Variants in KCNH8 observed in about 807,000 individuals in gnomAD.
KCNH8 encodes potassium voltage-gated channel subfamily H member 8.
KCNH8 carries 70 observed loss-of-function variants against 103.6 expected under a neutral mutation model. That is an observed-to-expected ratio of 0.68 (90% CI 0.56 to 0.82). The LOEUF (loss-of-function observed/expected upper bound fraction) is 0.82. KCNH8 is among the 40% of genes least tolerant of loss of function. KCNH8 has a pLI of 0.00. For synonymous variants in KCNH8, 498 were observed against 489.4 expected, an observed-to-expected ratio of 1.02 and a Z score of -0.23; for missense variants, 1,217 against 1,329.9, an observed-to-expected ratio of 0.92 and a Z score of 1.32.
chr3:19,328,470 C>G (rs2065461590), intron 3 of KCNH8, among the ~76,000 whole-genome samples: 1 of 152,084 alleles, frequency 6.6e-6, no homozygotes, highest in Non-Finnish European at 1.5e-5. Flanking sequence ...AAATTTCACA[C>G]ACTGTAAATA....
At chr3:19,458,246 T>C (rs1040173040) in intron 11 of KCNH8, among the ~76,000 whole-genome samples, 2 of 151,970 alleles carry the variant, frequency 1.3e-5, no homozygotes, top group Non-Finnish European at 2.9e-5. Context: ...TTTTCATGTC[T>C]TTTAAAAAAA....
intron 5 of KCNH8, among the ~76,000 whole-genome samples, chr3:19,378,238 T>C (rs1188232507): frequency 6.6e-6 from 1 of 152,206 alleles, no homozygotes; most frequent in Non-Finnish European, 1.5e-5. Flanking sequence ...TCACTTTCAT[T>C]AGAAGAGCTC....
intron 1 of KCNH8, among the ~76,000 whole-genome samples, chr3:19,235,158 C>G (rs1183025806): frequency 6.6e-6 from 1 of 152,012 alleles, no homozygotes; most frequent in African/African-American, 2.4e-5. Context: ...TTTATTATAC[C>G]TTGCTTTGCT....
At chr3:19,455,545 A>C (rs781725738) in intron 10 of KCNH8, among the ~76,000 whole-genome samples, 11 of 152,242 alleles carry the variant, frequency 7.2e-5, no homozygotes, top group Non-Finnish European at 1.5e-4. Flanking sequence ...TAAAGGTCCT[A>C]AATCTAGACA....
intron 7 of KCNH8, among the ~76,000 whole-genome samples, chr3:19,418,008 T>A (rs2066889388): frequency 6.6e-6 from 1 of 151,988 alleles, no homozygotes; most frequent in South Asian, 2.1e-4. Context: ...GACAAAAATG[T>A]TAGTTTGATG....
intron 3 of KCNH8, among the ~76,000 whole-genome samples, chr3:19,308,649 G>T (rs1458354922): frequency 1.1e-5 from 1 of 86,984 alleles, no homozygotes; most frequent in Admixed American, 1.5e-4. Context: ...TGAATGTTGG[G>T]GTCTCTCTCT....
intron 11 of KCNH8, among the ~76,000 whole-genome samples, chr3:19,499,589 C>G (rs1245922003): frequency 1.3e-5 from 2 of 152,202 alleles, no homozygotes; most frequent in Non-Finnish European, 2.9e-5. Flanking sequence ...CAGCAGATCT[C>G]TCGGCAGAAA....
intron 7 of KCNH8, among the ~76,000 whole-genome samples, chr3:19,395,819 A>T (rs2066507992): frequency 6.6e-6 from 1 of 152,052 alleles, no homozygotes; most frequent in Non-Finnish European, 1.5e-5. Flanking sequence ...CATTTAGCAC[A>T]CTTTGAGAAT....
At chr3:19,517,961 C>T (rs759717398) in intron 14 of KCNH8, 37 bp from the exon 15 acceptor site, 1 of 1,523,886 alleles carries the variant, frequency 6.6e-7, no homozygotes, top group Admixed American at 1.7e-5. Context: ...AAGGTTTATT[C>T]CTAAAGGACT....
At chr3:19,305,159 C>T (rs1413498715) in intron 3 of KCNH8, among the ~76,000 whole-genome samples, 1 of 151,652 alleles carries the variant, frequency 6.6e-6, no homozygotes, top group South Asian at 2.1e-4. Flanking sequence ...TTGGACTTCT[C>T]AAGAGGAGTA....
chr3:19,290,618 C>G (rs559583739), intron 3 of KCNH8, among the ~76,000 whole-genome samples: 8 of 152,156 alleles, frequency 5.3e-5, no homozygotes, highest in Admixed American at 3.9e-4. Flanking sequence ...TGCTGGATAA[C>G]GTTTTTGATG....
chr3:19,251,260 G>A lies in KCNH8; in HGVS notation c.77-2394G>A, dbSNP rs558864039. Among the ~76,000 whole-genome samples, 85 of 152,136 alleles carry A rather than the reference G, an allele frequency of 5.6e-4. 2 individuals are homozygous for A. Among genetic ancestry groups the A allele is most frequent in the African/African-American group, 2.0e-3 (81 of 41,494 alleles). On this transcript the variant is annotated intron_variant, in intron 1 of 15. Coordinates refer to ENST00000328405, the MANE Select transcript of KCNH8 (RefSeq NM_144633.3). ...CCTGAAACAAAGTCCAACATACAAT[G>A]TGTAGTCAATAAGTGATTCTGCAAA...
chr3:19,434,681 G>A (rs1009452746), intron 7 of KCNH8, among the ~76,000 whole-genome samples: 3 of 152,148 alleles, frequency 2.0e-5, no homozygotes, highest in African/African-American at 7.2e-5. Flanking sequence ...GGAGAGGGGG[G>A]AAACAAATGT....
chr3:19,190,410 T>A (rs2063539890), intron 1 of KCNH8, among the ~76,000 whole-genome samples: 1 of 151,984 alleles, frequency 6.6e-6, no homozygotes. Flanking sequence ...GCCACTTGTC[T>A]TCAGCAGATT....
At chr3:19,387,875 G>T (rs1407336145) in intron 5 of KCNH8, among the ~76,000 whole-genome samples, 1 of 149,912 alleles carries the variant, frequency 6.7e-6, no homozygotes, top group Non-Finnish European at 1.5e-5. Flanking sequence ...ATAATAAATT[G>T]TTTTTTAAAA....
intron 11 of KCNH8, among the ~76,000 whole-genome samples, chr3:19,489,239 G>T (rs1036879397): frequency 2.6e-5 from 4 of 152,142 alleles, no homozygotes; most frequent in Admixed American, 2.6e-4. Context: ...CAATAAGGAG[G>T]GGGTATTCCT....
intron 1 of KCNH8, among the ~76,000 whole-genome samples, chr3:19,181,419 G>T (rs928750041): frequency 6.6e-6 from 1 of 152,064 alleles, no homozygotes; most frequent in African/African-American, 2.4e-5. Context: ...GAAAGAAAGA[G>T]ATGAACGACA....
chr3:19,209,492 T>C (rs1365025151), intron 1 of KCNH8, among the ~76,000 whole-genome samples: 1 of 152,078 alleles, frequency 6.6e-6, no homozygotes, highest in Non-Finnish European at 1.5e-5. Context: ...AAAGCTAATT[T>C]AGTCTTTGGG....
chr3:19,352,325 A>G (rs561143408), intron 5 of KCNH8, among the ~76,000 whole-genome samples: 35 of 152,156 alleles, frequency 2.3e-4, no homozygotes, highest in African/African-American at 8.4e-4. Flanking sequence ...ACAGATCAAC[A>G]AGACAGAAAG....
Sources: gnomAD v4.1 joint callset for allele counts (sites outside exome capture counted in the v4.1 genomes callset) on GRCh38, gnomAD v4.1.1 for gene constraint, MANE v1.5 for transcripts, NCBI Gene and HGNC (gene_info 2026-07-23, HGNC 2026-07-21) for gene names.